Variants in HNRNPC observed in about 807,000 individuals in gnomAD.
The protein encoded by HNRNPC is heterogeneous nuclear ribonucleoproteins C1/C2.
Under a neutral mutation model 33.2 loss-of-function variants are expected in HNRNPC, and 3 were observed. The observed-to-expected ratio is 0.09, with a 90% CI of 0.04 to 0.23. The LOEUF (loss-of-function observed/expected upper bound fraction) is 0.23, where lower values mean the gene tolerates loss of function less well. Ranked by LOEUF, HNRNPC falls within the 10% of genes least tolerant of loss-of-function variation. The probability of loss-of-function intolerance (pLI) is 1.00; values close to 1 mark genes in which losing one functional copy is unlikely to be tolerated. For missense variants in HNRNPC, 143 were observed against 366.7 expected (o/e 0.39, Z 4.98); for synonymous variants, 121 against 126.7 (o/e 0.96, Z 0.30).
At chr14:21,231,855 G>A (rs910672945) in intron 3 of HNRNPC, among the ~76,000 whole-genome samples, 6 of 152,010 alleles carry the variant, frequency 3.9e-5, no homozygotes, top group African/African-American at 7.3e-5. Flanking sequence ...AGCTCATTCC[G>A]AATTATTACA....
chr14:21,216,120 CAAAAAA>C (rs370660995), intron 5 of HNRNPC, among the ~76,000 whole-genome samples: 125 of 87,838 alleles, frequency 1.4e-3, no homozygotes, highest in South Asian at 0.014. Context: ...CCTCCACCAC[CAAAAAA>C]AAAAAAAAAA....
intron 4 of HNRNPC, 89 bp downstream of exon 4, chr14:21,230,908 A>G: frequency 7.0e-7 from 1 of 1,427,060 alleles, no homozygotes. Flanking sequence ...CAGAAAGAGA[A>G]GATGCCCACT....
intron 5 of HNRNPC, among the ~76,000 whole-genome samples, chr14:21,226,788 G>C (rs1469358461): frequency 3.4e-5 from 5 of 148,718 alleles, no homozygotes; most frequent in African/African-American, 1.2e-4. Flanking sequence ...ACTGAAGCAG[G>C]AGAGTCGCCT....
intron 2 of HNRNPC, among the ~76,000 whole-genome samples, chr14:21,251,688 GAC>G (rs1284263415): frequency 1.3e-5 from 2 of 151,762 alleles, no homozygotes; most frequent in African/African-American, 2.4e-5. Flanking sequence ...AAAAAAAAAA[GAC>G]ACACGTATTA....
chr14:21,247,301 T>C (rs954548336), intron 2 of HNRNPC, among the ~76,000 whole-genome samples: 1 of 152,176 alleles, frequency 6.6e-6, no homozygotes, highest in Non-Finnish European at 1.5e-5. Flanking sequence ...ATTTCAGCCT[T>C]TGATTTTGCT....
In HNRNPC at chr14:21,251,825, T is replaced by C. The variant is rs190220669; in HGVS notation, c.-37+11486A>G. On this transcript the variant is annotated intron_variant, in intron 2 of 8. Transcript: ENST00000553300. ...ATAAATTTTCAGTAAATTTCACACATAGAACATAAATAATCTCACATCAGT... is the reference window on the plus strand; with the variant it reads ...ATAAATTTTCAGTAAATTTCACACACAGAACATAAATAATCTCACATCAGT... 6.8e-3 allele frequency among the ~76,000 whole-genome samples: 1,042 copies of C among 152,280 alleles called. 14 individuals are homozygous for C. The highest frequency in any genetic ancestry group is 0.024 in the African/African-American group (979 of 41,554).
chr14:21,262,357 T>G (rs1878390404), intron 2 of HNRNPC, among the ~76,000 whole-genome samples: 1 of 152,252 alleles, frequency 6.6e-6, no homozygotes, highest in Non-Finnish European at 1.5e-5. Flanking sequence ...ACTTTCATTT[T>G]AAACTTCAGC....
At chr14:21,217,171 A>T (rs1304847188) in intron 5 of HNRNPC, among the ~76,000 whole-genome samples, 1 of 152,238 alleles carries the variant, frequency 6.6e-6, no homozygotes, top group Non-Finnish European at 1.5e-5. Context: ...CATCTGAGGA[A>T]GTAGTCCTTG....
rs1377747769 is a variant in HNRNPC at position 21,269,414 on chromosome 14, C to G, written c.-179G>C. The G allele has an allele frequency of 1.9e-5, 3 of 155,550 alleles. No individual in the cohort carries two copies. The highest frequency in any genetic ancestry group is 4.8e-5 in the African/African-American group (2 of 41,550). 9.6% of individuals were successfully genotyped at this position (155,550 alleles called of 1,614,324 possible). On this transcript the variant is annotated 5_prime_UTR_variant, in exon 1 of 9. Transcript: ENST00000553300. The stretch of plus-strand genomic sequence containing the variant: ...GGCCACAACCGCTCAGTCTTCGTCT[C>G]TTCACAAAATGGCCCCCGAGTCTCC...
intron 2 of HNRNPC, among the ~76,000 whole-genome samples, chr14:21,243,910 A>T (rs903582666): frequency 6.6e-6 from 1 of 152,204 alleles, no homozygotes; most frequent in Admixed American, 6.5e-5. Context: ...ATACATATAT[A>T]TATACCTGTA....
At chr14:21,226,699 GACAA>G (rs1396623041) in intron 5 of HNRNPC, among the ~76,000 whole-genome samples, 4 of 151,922 alleles carry the variant, frequency 2.6e-5, no homozygotes, top group Admixed American at 2.0e-4. Context: ...GGCCAACGTG[GACAA>G]ACACTGTCTC....
chr14:21,218,348 T>C (rs557228142), intron 5 of HNRNPC, among the ~76,000 whole-genome samples: 1 of 152,198 alleles, frequency 6.6e-6, no homozygotes, highest in Non-Finnish European at 1.5e-5. Flanking sequence ...TTACCAAAGA[T>C]AAAATTTTAA....
chr14:21,248,000 A>G (rs1038966801), intron 2 of HNRNPC, among the ~76,000 whole-genome samples: 12 of 109,942 alleles, frequency 1.1e-4, no homozygotes, highest in Admixed American at 2.6e-4. Context: ...TAAAAAAGAA[A>G]AAAAAAACCC....
At chr14:21,245,676 T>C (rs181717377) in intron 2 of HNRNPC, among the ~76,000 whole-genome samples, 30 of 152,260 alleles carry the variant, frequency 2.0e-4, no homozygotes, top group African/African-American at 6.7e-4. Flanking sequence ...AAGGCTACAG[T>C]AAGTTTGTAA....
At chr14:21,238,842 T>C (rs973032911) in intron 2 of HNRNPC, among the ~76,000 whole-genome samples, 14 of 152,114 alleles carry the variant, frequency 9.2e-5, no homozygotes, top group African/African-American at 3.4e-4. Context: ...TTAAGAAATC[T>C]GGGGCTGGGT....
At chr14:21,243,210 T>C (rs904657210) in intron 2 of HNRNPC, among the ~76,000 whole-genome samples, 3 of 152,142 alleles carry the variant, frequency 2.0e-5, no homozygotes, top group Non-Finnish European at 4.4e-5. Context: ...AATTACTGAA[T>C]TGATGTTCAT....
chr14:21,238,037 C>T (rs1161064138), intron 2 of HNRNPC, among the ~76,000 whole-genome samples: 1 of 152,212 alleles, frequency 6.6e-6, no homozygotes, highest in Non-Finnish European at 1.5e-5. Flanking sequence ...TCCCAAAGTG[C>T]TGGGATTACA....
At chr14:21,213,902 G>A (rs1891878703) in intron 5 of HNRNPC, among the ~76,000 whole-genome samples, 1 of 152,120 alleles carries the variant, frequency 6.6e-6, no homozygotes, top group Non-Finnish European at 1.5e-5. Flanking sequence ...ACTAATTGCT[G>A]TTTCTATTAG....
chr14:21,218,854 G>A (rs921359310), intron 5 of HNRNPC, among the ~76,000 whole-genome samples: 12 of 151,966 alleles, frequency 7.9e-5, no homozygotes, highest in Non-Finnish European at 8.8e-5. Context: ...GCTCATGCCT[G>A]TAATCCCAGC....
Sources: gnomAD v4.1 joint callset for allele counts (sites outside exome capture counted in the v4.1 genomes callset) on GRCh38, gnomAD v4.1.1 for gene constraint, MANE v1.5 for transcripts, NCBI Gene and HGNC (gene_info 2026-07-23, HGNC 2026-07-21) for gene names.